Variants in RABGAP1L observed in about 807,000 individuals in gnomAD.
RABGAP1L encodes RAB GTPase activating protein 1 like.
RABGAP1L carries 63 observed loss-of-function variants against 137.7 expected under a neutral mutation model. The ratio of observed to expected loss-of-function variants is 0.46; its 90% CI spans 0.37 to 0.56. RABGAP1L has a LOEUF of 0.56. RABGAP1L is among the 20% of genes least tolerant of loss of function. RABGAP1L has a pLI of 0.00. For missense variants in RABGAP1L, 1,095 were observed against 1,244.0 expected (o/e 0.88, Z 1.80); for synonymous variants, 431 against 433.7 (o/e 0.99, Z 0.08).
At chr1:174,925,590 G>A (rs1041653620) in intron 19 of RABGAP1L, among the ~76,000 whole-genome samples, 21 of 151,876 alleles carry the variant, frequency 1.4e-4, no homozygotes, top group African/African-American at 5.1e-4. Flanking sequence ...ATTCTTTTAT[G>A]ATTTGTGCTT....
chr1:174,376,695 G>A (rs1256063723), intron 12 of RABGAP1L, among the ~76,000 whole-genome samples: 1 of 151,994 alleles, frequency 6.6e-6, no homozygotes, highest in Non-Finnish European at 1.5e-5. Context: ...AGCAAGCTAG[G>A]AATACAAGGG....
chr1:174,308,478 C>G (rs575491702), intron 11 of RABGAP1L, among the ~76,000 whole-genome samples: 4 of 151,950 alleles, frequency 2.6e-5, no homozygotes, highest in African/African-American at 9.6e-5. Flanking sequence ...TGGAGCTGCT[C>G]CCCTTTGTTT....
intron 13 of RABGAP1L, among the ~76,000 whole-genome samples, chr1:174,597,088 G>A (rs1166942805): frequency 6.6e-6 from 1 of 152,058 alleles, no homozygotes; most frequent in African/African-American, 2.4e-5. Context: ...GATGAATGAT[G>A]TTTTTAATGT....
intron 13 of RABGAP1L, among the ~76,000 whole-genome samples, chr1:174,468,564 A>T (rs1169790148): frequency 6.6e-6 from 1 of 152,212 alleles, no homozygotes; most frequent in Non-Finnish European, 1.5e-5. Context: ...TTTCCATATG[A>T]CAGCGTGGGC....
At chr1:174,438,819 A>C (rs1224013423) in intron 13 of RABGAP1L, among the ~76,000 whole-genome samples, 1 of 143,916 alleles carries the variant, frequency 6.9e-6, no homozygotes, top group Non-Finnish European at 1.5e-5. Context: ...TAGTTTTCAG[A>C]GTAGAGGTTT....
At chr1:174,756,922 A>G in intron 18 of RABGAP1L, 3 of 752,144 alleles carry the variant, frequency 4.0e-6, no homozygotes, top group South Asian at 1.3e-5. Flanking sequence ...TGGCACCACC[A>G]GTGTCCCTCA....
chr1:174,195,769 C>T (rs59015455), intron 1 of RABGAP1L, among the ~76,000 whole-genome samples: 1,234 of 103,950 alleles, frequency 0.012, 24 homozygotes, highest in African/African-American at 0.039. Context: ...CTCTCTTTCT[C>T]TCTTTCCTTT....
rs190621571 is a variant in RABGAP1L, at chr1:174,946,559, G to A, written c.2341-10898G>A. ...TCTTGGTTTACTCAATTTATAAAAC[G>A]GATATAGTAACACCCAGTTTCTTTG... On this transcript the variant is annotated intron_variant, in intron 19 of 25. Transcript: ENST00000681986. Among the ~76,000 whole-genome samples, 1,035 of 152,008 alleles carry A rather than the reference G, an allele frequency of 6.8e-3. 5 individuals are homozygous for A. Among genetic ancestry groups the A allele is most frequent in the Non-Finnish European group, 9.6e-3 (651 of 67,976 alleles).
chr1:174,971,314 A>G (rs948896492), intron 21 of RABGAP1L, among the ~76,000 whole-genome samples: 2 of 151,642 alleles, frequency 1.3e-5, no homozygotes, highest in African/African-American at 2.4e-5. Flanking sequence ...AAAAATTATT[A>G]TCTTAAAAAT....
At chr1:174,832,948 A>T (rs1048674536) in intron 19 of RABGAP1L, among the ~76,000 whole-genome samples, 5 of 152,182 alleles carry the variant, frequency 3.3e-5, no homozygotes, top group Non-Finnish European at 5.9e-5. Context: ...CCATGAAGTA[A>T]ATACTCTTAT....
chr1:174,868,943 A>G (rs1039970075), intron 19 of RABGAP1L, among the ~76,000 whole-genome samples: 1 of 152,054 alleles, frequency 6.6e-6, no homozygotes, highest in African/African-American at 2.4e-5. Flanking sequence ...TTGGTAGAGG[A>G]TTGAAATTGT....
chr1:174,809,327 C>T (rs1480434361), intron 18 of RABGAP1L, among the ~76,000 whole-genome samples: 1 of 152,124 alleles, frequency 6.6e-6, no homozygotes, highest in Non-Finnish European at 1.5e-5. Flanking sequence ...AGGCTTCAGC[C>T]CCACCCTGGT....
At chr1:174,623,071 A>C (rs2148280324) in intron 13 of RABGAP1L, among the ~76,000 whole-genome samples, 1 of 152,340 alleles carries the variant, frequency 6.6e-6, no homozygotes, top group East Asian at 1.9e-4. Context: ...TCAGTGAACA[A>C]GTGGTAAAAT....
At chr1:174,608,414 A>AG (rs1670946151) in intron 13 of RABGAP1L, among the ~76,000 whole-genome samples, 2 of 152,228 alleles carry the variant, frequency 1.3e-5, no homozygotes, top group African/African-American at 4.8e-5. Context: ...GCCCAAGGCA[A>AG]TATGTAAAAA....
intron 1 of RABGAP1L, among the ~76,000 whole-genome samples, chr1:174,193,785 T>A (rs1002987658): frequency 4.6e-5 from 7 of 152,224 alleles, no homozygotes; most frequent in African/African-American, 1.7e-4. Flanking sequence ...CATTAGTGAA[T>A]ACCTGTCATT....
At chr1:174,345,248 T>A (rs538039389) in intron 11 of RABGAP1L, among the ~76,000 whole-genome samples, 2 of 152,298 alleles carry the variant, frequency 1.3e-5, no homozygotes, top group Admixed American at 1.3e-4. Flanking sequence ...TTCTTTTTGC[T>A]TAGGATGGCC....
intron 13 of RABGAP1L, among the ~76,000 whole-genome samples, chr1:174,438,177 T>C (rs913937208): frequency 6.6e-6 from 1 of 152,166 alleles, no homozygotes; most frequent in Non-Finnish European, 1.5e-5. Flanking sequence ...AGCAAGATCT[T>C]AACTCTTAAG....
intron 7 of RABGAP1L, among the ~76,000 whole-genome samples, chr1:174,271,698 T>C (rs1213236058): frequency 6.6e-6 from 1 of 152,072 alleles, no homozygotes. Context: ...ATCTTCGAGT[T>C]AGCTGAATTT....
chr1:174,951,605 A>G (rs768243199), intron 19 of RABGAP1L, among the ~76,000 whole-genome samples: 6 of 152,168 alleles, frequency 3.9e-5, no homozygotes, highest in Non-Finnish European at 8.8e-5. Flanking sequence ...TTGATAGTTT[A>G]GCTCAGAGGC....
Sources: gnomAD v4.1 joint callset for allele counts (sites outside exome capture counted in the v4.1 genomes callset) on GRCh38, gnomAD v4.1.1 for gene constraint, MANE v1.5 for transcripts, NCBI Gene and HGNC (gene_info 2026-07-23, HGNC 2026-07-21) for gene names.